The following L3MBTL2 variants were observed in gnomAD, a reference collection of about 807,000 sequenced individuals.
L3MBTL2 encodes the protein L3MBTL histone methyl-lysine binding protein 2, also known as lethal(3)malignant brain tumor-like protein 2.
Under a neutral mutation model 86.4 loss-of-function variants are expected in L3MBTL2, and 49 were observed. The ratio of observed to expected loss-of-function variants is 0.57; its 90% confidence interval spans 0.45 to 0.72. The LOEUF (loss-of-function observed/expected upper bound fraction) is 0.72, where lower values mean the gene tolerates loss of function less well. L3MBTL2 is among the 30% of genes least tolerant of loss of function. The pLI is 0.00. For missense variants in L3MBTL2, 755 were observed against 923.7 expected (o/e 0.82, Z 2.37); for synonymous variants, 336 against 350.6 (o/e 0.96, Z 0.47).
At chr22:41,207,006 G>A (rs1170162293) in intron 1 of L3MBTL2, among the ~76,000 whole-genome samples, 1 of 152,062 alleles carries the variant, frequency 6.6e-6, no homozygotes, top group Non-Finnish European at 1.5e-5. Flanking sequence ...ATCTTCGTAA[G>A]AATTCTCTAA....
At chr22:41,216,810 G>A (rs910246209) in intron 4 of L3MBTL2, among the ~76,000 whole-genome samples, 2 of 152,208 alleles carry the variant, frequency 1.3e-5, no homozygotes, top group African/African-American at 4.8e-5. Flanking sequence ...GGTTCAGGGC[G>A]GAGGGAGGAA....
chr22:41,225,986 G>A lies in L3MBTL2; in HGVS notation c.1504+45G>A, dbSNP rs774561322. 1 of 1,602,850 alleles carries A rather than the reference G, an allele frequency of 6.2e-7. No homozygotes were observed. Among genetic ancestry groups the A allele is most frequent in the Non-Finnish European group, 8.5e-7 (1 of 1,174,484 alleles). ...CACCTGCTGTCCTTGCCATCAGAAGGGGCAGGGTGTCCAGGCGCGGTGGCT... is the reference window on the plus strand; with the variant it reads ...CACCTGCTGTCCTTGCCATCAGAAGAGGCAGGGTGTCCAGGCGCGGTGGCT... On this transcript the variant is annotated intron_variant, in intron 12 of 16. Transcript: ENST00000216237. The surrounding 1 kb of genome is among the most constrained non-coding windows in gnomAD (Gnocchi z 4.1).
At position 41,225,409 on chromosome 22, in the gene L3MBTL2, G is replaced by A. The variant is rs1411547988; in HGVS notation, c.1356+338G>A. Among the ~76,000 whole-genome samples, 1 of 152,184 alleles carries A rather than the reference G, an allele frequency of 6.6e-6. No individual in the cohort carries two copies. Among genetic ancestry groups the A allele is most frequent in the Non-Finnish European group, 1.5e-5 (1 of 68,028 alleles). On this transcript the variant is annotated intron_variant, in intron 11 of 16. Transcript: ENST00000216237. This position sits in a 1 kb window ranked among gnomAD's most constrained non-coding sequence, Gnocchi z 4.1. The stretch of plus-strand genomic sequence containing the variant: ...GGCCTAGGCAAGAGCCACAGCTGGG[G>A]TCACCTTGCTCCAAACCTCATCGCC...
In L3MBTL2 at chr22:41,209,737, C is replaced by G. The variant is rs201966770; in HGVS notation, c.66C>G (p.Asp22Glu). The G allele has an allele frequency of 6.2e-7, 1 of 1,614,154 alleles. No individual in the cohort carries two copies. Among genetic ancestry groups the G allele is most frequent in the South Asian group, 1.1e-5 (1 of 91,080 alleles). Residue 22 changes from aspartate to glutamate, a missense_variant, in exon 2 of 17, where the codon GAC becomes GAG. By Grantham distance (45) the Asp-to-Glu change is conservative. Around this residue, in one of 3 missense-constraint regions of L3MBTL2, gnomAD observed 103 missense variants for 105.2 expected, o/e 0.98. Coordinates refer to ENST00000216237, the MANE Select transcript of L3MBTL2 (RefSeq NM_031488.5). ...SSEPMEEEED[D>E]DLELFGGYDS... Reference sequence around the variant, plus strand: ...AACCAATGGAGGAAGAGGAAGATGACGACTTGGAGCTGTTTGGTGGCTATG... The same window carrying G: ...AACCAATGGAGGAAGAGGAAGATGAGGACTTGGAGCTGTTTGGTGGCTATG...
intron 5 of L3MBTL2, 50 bp downstream of exon 5, chr22:41,217,252 C>G: frequency 7.0e-7 from 1 of 1,437,826 alleles, no homozygotes; most frequent in Non-Finnish European, 9.7e-7. Context: ...GGGCCTGGAG[C>G]TGCTCCTCCA....
chr22:41,223,716 A>G (rs1178872072), intron 8 of L3MBTL2, among the ~76,000 whole-genome samples: 3 of 152,214 alleles, frequency 2.0e-5, no homozygotes, highest in Admixed American at 2.0e-4. Context: ...TCCTTAGTCT[A>G]AAGTGCGTTT....
intron 2 of L3MBTL2, among the ~76,000 whole-genome samples, chr22:41,211,178 A>G (rs530067797): frequency 5.3e-5 from 8 of 152,272 alleles, no homozygotes; most frequent in Non-Finnish European, 1.0e-4. Context: ...CTGTGAGGAC[A>G]CTGCCATCCT....
chr22:41,207,010 T>C (rs1264517180), intron 1 of L3MBTL2, among the ~76,000 whole-genome samples: 1 of 152,084 alleles, frequency 6.6e-6, no homozygotes, highest in Admixed American at 6.6e-5. Flanking sequence ...TCGTAAGAAT[T>C]CTCTAAAGAA....
In L3MBTL2 at chr22:41,230,236, G is replaced by C; in HGVS notation, c.2103G>C (p.Gln701His). Residue 701 changes from glutamine to histidine, a missense_variant, in exon 17 of 17, where the codon CAG becomes CAC. Physicochemically the swap from Gln to His is conservative, Grantham distance 24 (BLOSUM62 0). This residue lies in a region of L3MBTL2 where 634 missense variants were observed against 748.9 expected (regional missense o/e 0.85). Transcript: ENST00000216237. ...ELPVSVENIK[Q>H]ETDD ...CTGTCTCCGTCGAGAACATCAAGCA[G>C]GAAACAGACGACTGAGCCTTCCTGC... 1 of 1,613,632 alleles carries C rather than the reference G, an allele frequency of 6.2e-7. No individual in the cohort carries two copies. The highest frequency in any genetic ancestry group is 8.5e-7 in the Non-Finnish European group (1 of 1,179,864).
chr22:41,213,862 G>C (rs368150555), intron 2 of L3MBTL2, 31 bp from the exon 3 acceptor site: 3 of 1,612,664 alleles, frequency 1.9e-6, no homozygotes, highest in Non-Finnish European at 2.5e-6. Context: ...TGGTCATATC[G>C]GGTGAGTCAT....
Position 41,225,619 on chromosome 22 carries a change from G to A in L3MBTL2, c.1357-175G>A, listed in dbSNP as rs531818518. Among the ~76,000 whole-genome samples, 5 of 152,324 alleles carry A rather than the reference G, an allele frequency of 3.3e-5. No homozygotes were observed. The highest frequency in any genetic ancestry group is 9.6e-5 in the African/African-American group (4 of 41,566). ...GTGGGGAAGAGAAAGAATCCCACGC[G>A]TATGCATCACAGAAGTACTGTGTGC... On this transcript the variant is annotated intron_variant, in intron 11 of 16. Coordinates refer to ENST00000216237, the MANE Select transcript of L3MBTL2 (RefSeq NM_031488.5). The surrounding 1 kb of genome is among the most constrained non-coding windows in gnomAD (Gnocchi z 4.1).
At chr22:41,228,315 C>T (rs1480702650) in intron 15 of L3MBTL2, 4 of 985,334 alleles carry the variant, frequency 4.1e-6, no homozygotes, top group Admixed American at 1.2e-4. Context: ...GGAGCAAAGG[C>T]AGGCAGCTGA....
In L3MBTL2 at chr22:41,227,866, A is replaced by G. The variant is rs778855154; in HGVS notation, c.1885A>G (p.Lys629Glu). ...TKKKKKQFGK[K>E]RKRIPPTKTR... ...GAAGAAAAAGAAACAGTTTGGGAAG[A>G]AAAGTAAGTGCTGCACCGGTGCAGC... The change falls in exon 15 of 17, where the codon AAA (lysine) becomes GAA (glutamate). Residue 629 changes from lysine to glutamate, a missense_variant. Coordinates refer to ENST00000216237, the MANE Select transcript of L3MBTL2 (RefSeq NM_031488.5). This position sits in a 1 kb window ranked among gnomAD's most constrained non-coding sequence, Gnocchi z 6.0. 1.9e-6 allele frequency: 3 copies of G among 1,613,370 alleles called. No homozygotes were observed. The South Asian group carries it at 3.3e-5, about 18-fold the overall frequency.
Position 41,224,836 on chromosome 22 carries a change from C to A in L3MBTL2, c.1251+35C>A. ...AGCTCTTGGGCGCTTTTCCCCTCAG[C>A]CATGGGTCCATTCCGGGCCTGAGGG... On this transcript the variant is annotated intron_variant, in intron 10 of 16. Transcript: ENST00000216237. This position sits in a 1 kb window ranked among gnomAD's most constrained non-coding sequence, Gnocchi z 4.9. The A allele has an allele frequency of 6.3e-7, 1 of 1,584,630 alleles. No homozygotes were observed. Among genetic ancestry groups the A allele is most frequent in the Non-Finnish European group, 8.7e-7 (1 of 1,153,232 alleles).
chr22:41,225,733 C>A lies in L3MBTL2; in HGVS notation c.1357-61C>A. 6.4e-7 allele frequency: 1 copy of A among 1,557,650 alleles called. No individual in the cohort carries two copies. The highest frequency in any genetic ancestry group is 1.2e-5 in the South Asian group (1 of 84,332). On this transcript the variant is annotated intron_variant, in intron 11 of 16. Transcript: ENST00000216237. This position sits in a 1 kb window ranked among gnomAD's most constrained non-coding sequence, Gnocchi z 4.1. ...TCGTGTCCCTATTGGGGTGCGGTAC[C>A]AACCCAGGATGGGGTGCAGTTCATG...
intron 1 of L3MBTL2, among the ~76,000 whole-genome samples, chr22:41,208,725 T>C (rs2030454331): frequency 6.6e-6 from 1 of 152,152 alleles, no homozygotes; most frequent in Non-Finnish European, 1.5e-5. Flanking sequence ...ATCATTTTGA[T>C]GTATATTGAA....
chr22:41,228,837 GA>G (rs1201740779), intron 15 of L3MBTL2, among the ~76,000 whole-genome samples: 1 of 142,114 alleles, frequency 7.0e-6, no homozygotes, highest in Non-Finnish European at 1.5e-5. Flanking sequence ...GCGGAAGAGG[GA>G]AACTCCATCG....
rs1404580635 is a variant in L3MBTL2, at chr22:41,211,594, TCACCCAGGCTGGAATGCAGTGACATGA to T, written c.262+1662_262+1688del. ...TTTTTTGAGACGGAGTCTTGCTCTG[TCACCCAGGCTGGAATGCAGTGACATGA>T]TCTTGGCTCACTGCAAGTTCCGCCT... On this transcript the variant is annotated intron_variant, in intron 2 of 16. Coordinates refer to ENST00000216237, the MANE Select transcript of L3MBTL2 (RefSeq NM_031488.5). Among the ~76,000 whole-genome samples, 191 of 126,368 alleles carry T rather than the reference TCACCCAGGCTGGAATGCAGTGACATGA, an allele frequency of 1.5e-3. 3 individuals carry two copies. The highest frequency in any genetic ancestry group is 5.7e-3 in the African/African-American group (181 of 31,490). 82.9% of individuals were successfully genotyped at this position (126,368 alleles called of 152,430 possible). A position where few individuals can be genotyped will look rare whatever the true frequency, so the allele number is the denominator to read the frequency against.
At chr22:41,219,207 C>G (rs992330752) in intron 5 of L3MBTL2, 6 of 478,556 alleles carry the variant, frequency 1.3e-5, no homozygotes, top group Admixed American at 3.3e-5. Context: ...CTAGCCATCA[C>G]CCTGCATCCC....
Sources: allele counts gnomAD v4.1 joint callset (sites outside exome capture counted in the v4.1 genomes callset), GRCh38; gene constraint gnomAD v4.1.1; regional missense constraint gnomAD v4.1.1; non-coding constraint Gnocchi (gnomAD v3.1); transcripts MANE v1.5; gene names NCBI Gene and HGNC (gene_info 2026-07-23, HGNC 2026-07-21).